XKR9: variants seen among roughly 807,000 people sequenced by gnomAD.
XKR9 encodes the protein XK related 9.
In XKR9, 32 loss-of-function variants were observed where a neutral mutation model predicts 32.0. The ratio of observed to expected loss-of-function variants is 1.00; its 90% CI spans 0.76 to 1.34. The LOEUF (loss-of-function observed/expected upper bound fraction) is 1.34. XKR9 is among the 40% of genes most tolerant of loss of function. The probability of loss-of-function intolerance (pLI) is 0.00; values close to 1 mark genes in which losing one functional copy is unlikely to be tolerated. For missense variants in XKR9, 546 were observed against 429.7 expected (o/e 1.27, Z -2.39); for synonymous variants, 168 against 143.4 (o/e 1.17, Z -1.22).
chr8:70,696,261 C>T (rs1307810812), intron 3 of XKR9, among the ~76,000 whole-genome samples: 1 of 152,116 alleles, frequency 6.6e-6, no homozygotes, highest in Admixed American at 6.6e-5. Context: ...CTTGCCCATG[C>T]CTATGTCCTG....
chr8:70,799,558 C>T, the XKR9 span, among the ~76,000 whole-genome samples: 1 of 152,110 alleles, frequency 6.6e-6, no homozygotes, highest in African/African-American at 2.4e-5. Context: ...TCATGAACTC[C>T]TGAGCTCAGG....
chr8:70,799,400 G>A, the XKR9 span, among the ~76,000 whole-genome samples: 3 of 152,134 alleles, frequency 2.0e-5, no homozygotes, highest in South Asian at 2.1e-4. Context: ...GTGCGATCAC[G>A]GATCACTGCA....
Position 70,752,199 on chromosome 8 carries a change from CAT to C in XKR9, n.353-37136_353-37135del, listed in dbSNP as rs537072754. On this transcript the variant is annotated intron_variant and non_coding_transcript_variant, in intron 2 of 3. Transcript: ENST00000520273. ...TTCTGGACTTTCATATGAATGGAAT[CAT>C]ATAGGATATGGTCTTTTGTGACTGG... is the stretch of plus-strand genomic sequence containing the variant. Among the ~76,000 whole-genome samples, 150 of 152,334 alleles carry C rather than the reference CAT, an allele frequency of 9.8e-4. 1 individual carries two copies. Among genetic ancestry groups the C allele is most frequent in the Admixed American group, 5.6e-3 (85 of 15,294 alleles).
At chr8:70,691,849 T>C (rs1373666689) in intron 3 of XKR9, among the ~76,000 whole-genome samples, 4 of 152,232 alleles carry the variant, frequency 2.6e-5, no homozygotes, top group Non-Finnish European at 5.9e-5. Flanking sequence ...AATAACATGA[T>C]GCCTCCAGCT....
the XKR9 span, among the ~76,000 whole-genome samples, chr8:70,858,166 A>G: frequency 6.6e-6 from 1 of 152,212 alleles, no homozygotes; most frequent in Non-Finnish European, 1.5e-5. Context: ...GGAAATGAGG[A>G]AGTCCAATTG....
At chr8:70,915,936 G>A in the XKR9 span, among the ~76,000 whole-genome samples, 3 of 152,136 alleles carry the variant, frequency 2.0e-5, no homozygotes, top group African/African-American at 7.2e-5. Flanking sequence ...TCAACCACAA[G>A]CTAACATCTA....
Position 70,754,475 on chromosome 8 carries a change from G to T in XKR9, n.353-34864G>T, listed in dbSNP as rs1244575196. Among the ~76,000 whole-genome samples the T allele has an allele frequency of 1.5e-5, 2 of 136,814 alleles. 1 individual carries two copies. The highest frequency in any genetic ancestry group is 3.3e-5 in the Non-Finnish European group (2 of 61,072). 89.8% of individuals were successfully genotyped at this position (136,814 alleles called of 152,430 possible). A position where few individuals can be genotyped will look rare whatever the true frequency, so the allele number is the denominator to read the frequency against. On this transcript the variant is annotated intron_variant and non_coding_transcript_variant, in intron 2 of 3. Transcript: ENST00000520273. ...TCGCCAAGTCAATCCTAAGCCAAAA[G>T]AACAAAGCTGGAGGCATCACGCTAC... is the stretch of plus-strand genomic sequence containing the variant.
chr8:70,810,140 A>G, the XKR9 span, among the ~76,000 whole-genome samples: 4 of 152,352 alleles, frequency 2.6e-5, no homozygotes, highest in South Asian at 8.3e-4. Flanking sequence ...AATCTTCAAC[A>G]TTGTTAAAGA....
chr8:70,876,741 A>G, the XKR9 span, among the ~76,000 whole-genome samples: 3 of 152,116 alleles, frequency 2.0e-5, no homozygotes, highest in African/African-American at 2.4e-5. Flanking sequence ...AGAAACCCTG[A>G]GTTTCTGAGT....
chr8:70,784,719 C>T (rs926562277), intron 2 of XKR9, among the ~76,000 whole-genome samples: 9 of 151,978 alleles, frequency 5.9e-5, no homozygotes, highest in African/African-American at 2.2e-4. Flanking sequence ...CCCTGGCAAC[C>T]ACTTGCAATA....
Position 70,681,200 on chromosome 8 carries a change from A to G in XKR9, c.142A>G (p.Met48Val), listed in dbSNP as rs1273534716. Residue 48 changes from methionine (M) to valine (V), a missense_variant, in exon 3 of 5, where the codon ATG becomes GTG. Physicochemically the swap from Met to Val is conservative, Grantham distance 21. Transcript: ENST00000408926. ...TTTTAGTGCTTTAGCGTTAAGCTTT[A>G]TGCTTTTTGGAACACTTGTGGCTCA... The part of the protein sequence containing the change: ...YVFSALALSF[M>V]LFGTLVAQCF... The G allele has an allele frequency of 6.2e-7, 1 of 1,613,542 alleles. No homozygotes were observed. The highest frequency in any genetic ancestry group is 2.2e-5 in the East Asian group (1 of 44,800).
intron 4 of XKR9, 118 bp from the exon 5 acceptor site, chr8:70,733,678 G>A (rs1563457273): frequency 2.1e-6 from 2 of 969,362 alleles, no homozygotes; most frequent in Non-Finnish European, 2.8e-6. Flanking sequence ...GATGAGAAGA[G>A]TAAAGTATGT....
intron 2 of XKR9, among the ~76,000 whole-genome samples, chr8:70,759,387 A>G (rs1217717145): frequency 2.0e-5 from 3 of 152,194 alleles, no homozygotes; most frequent in Admixed American, 6.5e-5. Context: ...GGAAGAAAAA[A>G]GAGGAATAAT....
At chr8:70,711,467 C>G (rs1805918111) in intron 4 of XKR9, among the ~76,000 whole-genome samples, 1 of 152,142 alleles carries the variant, frequency 6.6e-6, no homozygotes, top group South Asian at 2.1e-4. Context: ...AAATCATGTC[C>G]TTTGCAGCAA....
the XKR9 span, among the ~76,000 whole-genome samples, chr8:71,061,176 G>A: frequency 1.3e-5 from 2 of 152,200 alleles, no homozygotes; most frequent in Non-Finnish European, 2.9e-5. Flanking sequence ...CTAGTAAGTT[G>A]CAGAGCTGTG....
At chr8:70,979,943 T>A in the XKR9 span, among the ~76,000 whole-genome samples, 1 of 152,256 alleles carries the variant, frequency 6.6e-6, no homozygotes, top group Admixed American at 6.5e-5. Context: ...CTGCTTTGTT[T>A]ACCTACTGTA....
At position 70,790,284 on chromosome 8, in the gene XKR9, G is replaced by T. The variant is rs1029368681; in HGVS notation, n.679G>T. 3.3e-5 allele frequency: 5 copies of T among 151,908 alleles called. No individual in the cohort carries two copies. In the East Asian group the frequency reaches 9.6e-4, roughly 29 times the overall value. The allele number at this position is 151,908 out of a possible 1,614,324, so 9.4% of individuals were successfully genotyped here. ...AAGTGGGGGAACAAGTTGAAAGTAG[G>T]TCCAAAACTTCACTAATTTATATGA... On this transcript the variant is annotated non_coding_transcript_exon_variant, in exon 4 of 4. Coordinates refer to the XKR9 transcript ENST00000520273.
At chr8:70,987,067 A>G in the XKR9 span, among the ~76,000 whole-genome samples, 1 of 152,198 alleles carries the variant, frequency 6.6e-6, no homozygotes, top group African/African-American at 2.4e-5. Flanking sequence ...AAACCACCCC[A>G]TGATTCAGTT....
intron 2 of XKR9, among the ~76,000 whole-genome samples, chr8:70,787,316 G>C (rs930496061): frequency 6.6e-6 from 1 of 152,124 alleles, no homozygotes; most frequent in African/African-American, 2.4e-5. Flanking sequence ...TAACCCTGGA[G>C]AAAATTTTAG....
Sources: allele counts gnomAD v4.1 joint callset (sites outside exome capture counted in the v4.1 genomes callset), GRCh38; gene constraint gnomAD v4.1.1; transcripts MANE v1.5; gene names NCBI Gene and HGNC (gene_info 2026-07-23, HGNC 2026-07-21).